The following GABBR2 variants were observed in gnomAD, a reference collection of about 807,000 sequenced individuals.
GABBR2 encodes the protein gamma-aminobutyric acid type B receptor subunit 2.
In GABBR2, 23 loss-of-function variants were observed where a neutral mutation model predicts 105.6. The ratio of observed to expected loss-of-function variants is 0.22; its 90% CI spans 0.16 to 0.31. The LOEUF (loss-of-function observed/expected upper bound fraction) is 0.31. Among genes scored for constraint, GABBR2 ranks in the 10% least tolerant of loss-of-function variants. GABBR2 has a pLI of 1.00. For missense variants in GABBR2, 734 were observed against 1,245.5 expected, an observed-to-expected ratio of 0.59 and a Z score of 6.18; for synonymous variants, 478 against 499.7, an observed-to-expected ratio of 0.96 and a Z score of 0.58.
At chr9:98,360,477 A>G (rs1052185306) in intron 13 of GABBR2, among the ~76,000 whole-genome samples, 1 of 152,180 alleles carries the variant, frequency 6.6e-6, no homozygotes, top group African/African-American at 2.4e-5. Context: ...GGAACAGCCT[A>G]TCTGGGCCTT....
In GABBR2 at chr9:98,306,054, A is replaced by T; in HGVS notation, c.2229+67T>A. 9.7e-7 allele frequency: 1 copy of T among 1,029,370 alleles called. No homozygotes were observed. Among genetic ancestry groups the T allele is most frequent in the Non-Finnish European group, 1.5e-6 (1 of 672,208 alleles). The allele number at this position is 1,029,370 out of a possible 1,614,324, so 63.8% of individuals were successfully genotyped here. A position where few individuals can be genotyped will look rare whatever the true frequency, so the allele number is the denominator to read the frequency against. ...GGGTAAACCTTTTAGAGAATGGAGA[A>T]AAGCCAGCAATGCCCCTGTGCTGGA... On this transcript the variant is annotated intron_variant, in intron 15 of 18. Coordinates refer to ENST00000259455, the MANE Select transcript of GABBR2 (RefSeq NM_005458.8). This position sits in a 1 kb window ranked among gnomAD's most constrained non-coding sequence, Gnocchi z 5.4.
chr9:98,413,372 A>C (rs958454419), intron 7 of GABBR2, among the ~76,000 whole-genome samples: 2 of 152,182 alleles, frequency 1.3e-5, no homozygotes, highest in African/African-American at 4.8e-5. Context: ...TTCCACAGGG[A>C]TGGCAGGATA....
At chr9:98,507,123 G>A (rs559900229) in intron 3 of GABBR2, among the ~76,000 whole-genome samples, 2 of 152,248 alleles carry the variant, frequency 1.3e-5, no homozygotes, top group African/African-American at 4.8e-5. Context: ...TGATTTCTCA[G>A]TTTTAGAAAT....
At chr9:98,649,696 C>T (rs1830078753) in intron 1 of GABBR2, among the ~76,000 whole-genome samples, 1 of 152,106 alleles carries the variant, frequency 6.6e-6, no homozygotes, top group African/African-American at 2.4e-5. Context: ...TTCATGCCTA[C>T]AGGAAAAACA....
At chr9:98,439,692 A>G (rs1304821195) in intron 7 of GABBR2, among the ~76,000 whole-genome samples, 1 of 152,218 alleles carries the variant, frequency 6.6e-6, no homozygotes, top group Non-Finnish European at 1.5e-5. Context: ...AAAGATGGCA[A>G]GAGCTGCAAG....
At chr9:98,373,863 T>TC (rs1297422404) in intron 11 of GABBR2, among the ~76,000 whole-genome samples, 2 of 142,412 alleles carry the variant, frequency 1.4e-5, no homozygotes, top group Admixed American at 1.4e-4. Flanking sequence ...TTTTTTTTTT[T>TC]TTTTTTTTTT....
chr9:98,426,633 T>A (rs1045080511), intron 7 of GABBR2, among the ~76,000 whole-genome samples: 1 of 152,114 alleles, frequency 6.6e-6, no homozygotes, highest in Non-Finnish European at 1.5e-5. Flanking sequence ...CACAAGGGAG[T>A]TGGGGGACTA....
chr9:98,323,841 G>A (rs757014258), intron 13 of GABBR2, among the ~76,000 whole-genome samples: 6 of 152,182 alleles, frequency 3.9e-5, no homozygotes, highest in Non-Finnish European at 5.9e-5. Flanking sequence ...CCAGCTTGGC[G>A]TGAATGGAGA....
At chr9:98,552,473 GCCC>G (rs1446686284) in intron 2 of GABBR2, among the ~76,000 whole-genome samples, 2 of 152,166 alleles carry the variant, frequency 1.3e-5, no homozygotes, top group Non-Finnish European at 2.9e-5. Context: ...GTATACAAAG[GCCC>G]CAGGCTGTGT....
chr9:98,437,913 C>T (rs546484981), intron 7 of GABBR2, among the ~76,000 whole-genome samples: 1 of 151,586 alleles, frequency 6.6e-6, no homozygotes, highest in Non-Finnish European at 1.5e-5. Flanking sequence ...ACCCACCACC[C>T]ACATACCCAT....
intron 1 of GABBR2, among the ~76,000 whole-genome samples, chr9:98,701,914 T>C (rs1218340004): frequency 1.3e-5 from 2 of 152,126 alleles, no homozygotes; most frequent in East Asian, 3.9e-4. Flanking sequence ...GATCCCCAGA[T>C]TGTACGGAAA....
At chr9:98,394,323 C>T (rs1000123141) in intron 8 of GABBR2, 68 bp from the exon 9 acceptor site, 46 of 1,072,440 alleles carry the variant, frequency 4.3e-5, no homozygotes, top group Non-Finnish European at 5.7e-5. Flanking sequence ...GCTCCTATTC[C>T]AGGCTCTTGC....
At chr9:98,607,172 C>T (rs11538080) in intron 1 of GABBR2, 27 of 1,609,332 alleles carry the variant, frequency 1.7e-5, no homozygotes, top group Admixed American at 1.7e-4. Flanking sequence ...AGTTGATACC[C>T]CAGGATTTGG....
rs541504854 is a variant in GABBR2, at chr9:98,457,611, C to T, written c.1000-3394G>A. On this transcript the variant is annotated intron_variant, in intron 6 of 18. Coordinates refer to ENST00000259455, the MANE Select transcript of GABBR2 (RefSeq NM_005458.8). ...AGGGCCAAGAACACTGGAAACACGG[C>T]TCTTTACCAGATTTCTGTGGGTAGA... Among the ~76,000 whole-genome samples, 37 of 152,310 alleles carry T rather than the reference C, an allele frequency of 2.4e-4. No individual in the cohort carries two copies. In the South Asian group the frequency reaches 7.3e-3, roughly 30 times the overall value.
intron 1 of GABBR2, among the ~76,000 whole-genome samples, chr9:98,704,466 G>A (rs866855200): frequency 1.3e-5 from 2 of 152,150 alleles, no homozygotes; most frequent in Middle Eastern, 3.4e-3. Context: ...GATTAAATAC[G>A]TATGGTTCAC....
At chr9:98,330,739 T>A (rs1831009523) in intron 13 of GABBR2, among the ~76,000 whole-genome samples, 1 of 152,232 alleles carries the variant, frequency 6.6e-6, no homozygotes, top group African/African-American at 2.4e-5. Context: ...TTTTTCTTTT[T>A]GAAAGTGAGG....
chr9:98,482,119 TG>T (rs1390290740), intron 4 of GABBR2, among the ~76,000 whole-genome samples: 2 of 152,222 alleles, frequency 1.3e-5, no homozygotes, highest in Non-Finnish European at 2.9e-5. Flanking sequence ...TTGCAGGTGG[TG>T]CCACCTTCCT....
intron 1 of GABBR2, among the ~76,000 whole-genome samples, chr9:98,636,534 C>G (rs1829879586): frequency 6.9e-6 from 1 of 144,650 alleles, no homozygotes; most frequent in South Asian, 2.2e-4. Flanking sequence ...CACTCTGTCA[C>G]CCAGGCTGGA....
chr9:98,481,375 A>G (rs1307428355), intron 4 of GABBR2, among the ~76,000 whole-genome samples: 1 of 152,202 alleles, frequency 6.6e-6, no homozygotes, highest in African/African-American at 2.4e-5. Flanking sequence ...CACACTTTAC[A>G]TATAGGAAAA....
Sources: gnomAD v4.1 joint callset for allele counts (sites outside exome capture counted in the v4.1 genomes callset) on GRCh38, gnomAD v4.1.1 for gene constraint, Gnocchi (gnomAD v3.1) non-coding constraint, MANE v1.5 for transcripts, NCBI Gene and HGNC (gene_info 2026-07-23, HGNC 2026-07-21) for gene names.